OLFM2: variants seen among roughly 807,000 people sequenced by gnomAD.
The protein encoded by OLFM2 is noelin-2.
OLFM2 carries 20 observed loss-of-function variants against 43.9 expected under a neutral mutation model. The ratio of observed to expected loss-of-function variants is 0.46; its 90% CI spans 0.32 to 0.66. The LOEUF (loss-of-function observed/expected upper bound fraction) is 0.66, where lower values mean the gene tolerates loss of function less well. Among genes scored for constraint, OLFM2 ranks in the 30% least tolerant of loss-of-function variants. The probability of loss-of-function intolerance (pLI) is 0.04; values close to 1 mark genes in which losing one functional copy is unlikely to be tolerated. For missense variants in OLFM2, 416 were observed against 643.6 expected (o/e 0.65, Z 3.83); for synonymous variants, 268 against 278.6 (o/e 0.96, Z 0.38).
chr19:9,922,093 C>CA (rs551625851), intron 1 of OLFM2, among the ~76,000 whole-genome samples: 5,446 of 80,454 alleles, frequency 0.068, 271 homozygotes, highest in Middle Eastern at 0.19. Context: ...GACCCTGTCT[C>CA]AAAAAAAAAA....
chr19:9,859,231 C>T (rs764943923), intron 2 of OLFM2, among the ~76,000 whole-genome samples: 6 of 152,236 alleles, frequency 3.9e-5, no homozygotes, highest in Non-Finnish European at 7.3e-5. Context: ...CACAGTTTCA[C>T]GTTTCAGCTA....
intron 1 of OLFM2, among the ~76,000 whole-genome samples, chr19:9,892,553 A>G (rs2046648330): frequency 6.6e-6 from 1 of 152,058 alleles, no homozygotes; most frequent in African/African-American, 2.4e-5. Flanking sequence ...TCTACTAAAA[A>G]TACGAAAATT....
At chr19:9,873,926 C>G (rs2046464134) in intron 1 of OLFM2, among the ~76,000 whole-genome samples, 1 of 142,866 alleles carries the variant, frequency 7.0e-6, no homozygotes, top group Admixed American at 7.5e-5. Flanking sequence ...GCTGAAATTA[C>G]AGGTGTGGGC....
At chr19:9,913,411 T>TGCG (rs1445042516) in intron 1 of OLFM2, 2 of 913,790 alleles carry the variant, frequency 2.2e-6, no homozygotes, top group South Asian at 4.9e-5. Context: ...CCCCGGGGGC[T>TGCG]GCGGCGGCGG....
chr19:9,872,511 T>G (rs1171244255), intron 1 of OLFM2, among the ~76,000 whole-genome samples: 1 of 60,146 alleles, frequency 1.7e-5, no homozygotes, highest in Non-Finnish European at 3.4e-5. Flanking sequence ...CGAGACCCTG[T>G]CTCAAAAGAA....
At chr19:9,900,386 C>T (rs890868822) in intron 1 of OLFM2, among the ~76,000 whole-genome samples, 3 of 152,032 alleles carry the variant, frequency 2.0e-5, no homozygotes, top group Non-Finnish European at 1.5e-5. Context: ...CACAAGCACA[C>T]GCAGGAGGTG....
At chr19:9,918,841 G>A (rs925350417) in intron 1 of OLFM2, among the ~76,000 whole-genome samples, 3 of 152,158 alleles carry the variant, frequency 2.0e-5, no homozygotes, top group African/African-American at 4.8e-5. Flanking sequence ...GAAAGTAGAC[G>A]AGAGATTGCC....
intron 1 of OLFM2, among the ~76,000 whole-genome samples, chr19:9,879,927 C>A (rs2046525493): frequency 6.6e-6 from 1 of 152,062 alleles, no homozygotes; most frequent in African/African-American, 2.4e-5. Flanking sequence ...CAGGTGCACA[C>A]CACCATGCCT....
intron 1 of OLFM2, among the ~76,000 whole-genome samples, chr19:9,866,977 A>G (rs903871628): frequency 2.6e-5 from 4 of 152,246 alleles, no homozygotes; most frequent in Non-Finnish European, 5.9e-5. Flanking sequence ...AAACAGGTCC[A>G]GGATTAACTG....
At chr19:9,912,625 A>C (rs1474389675) in intron 1 of OLFM2, among the ~76,000 whole-genome samples, 1 of 151,868 alleles carries the variant, frequency 6.6e-6, no homozygotes, top group South Asian at 2.1e-4. Flanking sequence ...CCACGGGGAG[A>C]ACCCCACTGA....
intron 1 of OLFM2, among the ~76,000 whole-genome samples, chr19:9,908,730 G>T (rs765485200): frequency 6.6e-6 from 1 of 151,888 alleles, no homozygotes; most frequent in Non-Finnish European, 1.5e-5. Flanking sequence ...GCCCGCATCA[G>T]CCTCCCAAAG....
chr19:9,890,474 G>A (rs67846065), intron 1 of OLFM2, among the ~76,000 whole-genome samples: 20,526 of 152,242 alleles, frequency 0.13, 1,564 homozygotes, highest in Middle Eastern at 0.2. Context: ...ATGTGGACGT[G>A]TCTACAGGAG....
intron 1 of OLFM2, among the ~76,000 whole-genome samples, chr19:9,888,046 C>T (rs2046603607): frequency 6.6e-6 from 1 of 152,028 alleles, no homozygotes; most frequent in Non-Finnish European, 1.5e-5. Flanking sequence ...CAATCTGTCC[C>T]ATCACCTCCC....
At chr19:9,915,321 C>T (rs779694768) in intron 1 of OLFM2, among the ~76,000 whole-genome samples, 1 of 151,122 alleles carries the variant, frequency 6.6e-6, no homozygotes, top group Non-Finnish European at 1.5e-5. Context: ...AATCGATCCT[C>T]CCACCTTGGC....
chr19:9,857,617 C>T lies in OLFM2; in HGVS notation c.360+98G>A, dbSNP rs2046332088. ...CCCTTGACATGTGGCTCATATTGGA[C>T]CCTAGATTCTTCCCAGACATGACTC... On this transcript the variant is annotated intron_variant, in intron 3 of 5. Coordinates refer to ENST00000264833, the MANE Select transcript of OLFM2 (RefSeq NM_058164.4). This position sits in a 1 kb window ranked among gnomAD's most constrained non-coding sequence, Gnocchi z 5.7. 7.6e-6 allele frequency: 12 copies of T among 1,581,784 alleles called. No homozygotes were observed. Among genetic ancestry groups the T allele is most frequent in the East Asian group, 2.2e-5 (1 of 44,642 alleles).
At chr19:9,920,480 CTCT>C (rs974331720) in intron 1 of OLFM2, among the ~76,000 whole-genome samples, 4 of 152,110 alleles carry the variant, frequency 2.6e-5, no homozygotes, top group African/African-American at 9.7e-5. Context: ...TCCATCACTC[CTCT>C]TCTATTCAAA....
At chr19:9,909,733 C>T (rs2046813732) in intron 1 of OLFM2, among the ~76,000 whole-genome samples, 2 of 152,160 alleles carry the variant, frequency 1.3e-5, no homozygotes, top group Admixed American at 1.3e-4. Context: ...AACCGAACAC[C>T]TACTGTGTGC....
chr19:9,920,741 C>CAAAAAAAAA lies in OLFM2; in HGVS notation c.63+15554_63+15562dup, dbSNP rs557455889. On this transcript the variant is annotated intron_variant, in intron 1 of 5. Coordinates refer to ENST00000264833, the MANE Select transcript of OLFM2 (RefSeq NM_058164.4). Reference sequence around the variant, plus strand: ...CAAAACTCTGTGTCTACTAAACATACAAAAAAAAAAAAAAAAGTAGCCAGG... The same window carrying CAAAAAAAAA: ...CAAAACTCTGTGTCTACTAAACATACAAAAAAAAAAAAAAAAAAAAAAAAAGTAGCCAGG... 3.2e-3 allele frequency among the ~76,000 whole-genome samples: 399 copies of CAAAAAAAAA among 126,564 alleles called. 5 individuals are homozygous for CAAAAAAAAA. Among genetic ancestry groups the CAAAAAAAAA allele is most frequent in the African/African-American group, 0.01 (368 of 35,706 alleles). 83.0% of individuals were successfully genotyped at this position (126,564 alleles called of 152,430 possible).
intron 1 of OLFM2, among the ~76,000 whole-genome samples, chr19:9,928,297 T>A (rs1426084929): frequency 6.6e-6 from 1 of 152,124 alleles, no homozygotes; most frequent in Non-Finnish European, 1.5e-5. Flanking sequence ...TCACCAGGAC[T>A]CTCTTAGAGC....
Sources: allele counts gnomAD v4.1 joint callset (sites outside exome capture counted in the v4.1 genomes callset), GRCh38; gene constraint gnomAD v4.1.1; non-coding constraint Gnocchi (gnomAD v3.1); transcripts MANE v1.5; gene names NCBI Gene and HGNC (gene_info 2026-07-23, HGNC 2026-07-21).